The following RAP1GAP2 variants were observed in gnomAD, a reference collection of about 807,000 sequenced individuals.
RAP1GAP2 encodes RAP1 GTPase activating protein 2.
Under a neutral mutation model 95.0 loss-of-function variants are expected in RAP1GAP2, and 27 were observed. The ratio of observed to expected loss-of-function variants is 0.28; its 90% CI spans 0.21 to 0.39. The LOEUF (loss-of-function observed/expected upper bound fraction) is 0.39, where lower values mean the gene tolerates loss of function less well. Ranked by LOEUF, RAP1GAP2 falls within the 10% of genes least tolerant of loss-of-function variation. RAP1GAP2 has a pLI of 1.00. For synonymous variants in RAP1GAP2, 373 were observed against 380.9 expected, an observed-to-expected ratio of 0.98 and a Z score of 0.24; for missense variants, 771 against 970.0, an observed-to-expected ratio of 0.79 and a Z score of 2.72.
At chr17:2,766,237 G>T (rs150674326) in intron 1 of RAP1GAP2, among the ~76,000 whole-genome samples, 1 of 152,146 alleles carries the variant, frequency 6.6e-6, no homozygotes, top group Non-Finnish European at 1.5e-5. Context: ...GTGAGTCCTT[G>T]TTATGAACTG....
intron 2 of RAP1GAP2, among the ~76,000 whole-genome samples, chr17:2,880,426 A>G (rs988928687): frequency 1.3e-5 from 2 of 148,950 alleles, no homozygotes; most frequent in African/African-American, 4.9e-5. Context: ...AGAATAATCC[A>G]CCTCACATTT....
intron 2 of RAP1GAP2, among the ~76,000 whole-genome samples, chr17:2,814,798 C>T (rs1194876003): frequency 1.3e-5 from 2 of 152,174 alleles, no homozygotes; most frequent in Non-Finnish European, 2.9e-5. Flanking sequence ...CCGTGCCTGG[C>T]AGACCACAAA....
chr17:2,758,615 C>T (rs2071191557), intron 1 of RAP1GAP2, among the ~76,000 whole-genome samples: 1 of 152,208 alleles, frequency 6.6e-6, no homozygotes, highest in Non-Finnish European at 1.5e-5. Flanking sequence ...CCGAGATACC[C>T]TCTCAATCCA....
intron 8 of RAP1GAP2, among the ~76,000 whole-genome samples, chr17:2,972,206 A>C (rs1056710085): frequency 6.6e-6 from 1 of 152,250 alleles, no homozygotes; most frequent in African/African-American, 2.4e-5. Flanking sequence ...TATCTCTTCA[A>C]ATGTTTCTAG....
At chr17:2,899,357 C>T (rs1465723312) in intron 2 of RAP1GAP2, among the ~76,000 whole-genome samples, 1 of 152,060 alleles carries the variant, frequency 6.6e-6, no homozygotes, top group East Asian at 1.9e-4. Flanking sequence ...CAGGTGCTCG[C>T]CACCACACCT....
At chr17:2,988,175 A>G (rs1567861181) in intron 11 of RAP1GAP2, among the ~76,000 whole-genome samples, 1 of 151,196 alleles carries the variant, frequency 6.6e-6, no homozygotes, top group Non-Finnish European at 1.5e-5. Flanking sequence ...GTGCCATTGC[A>G]CTCCAGCTGG....
chr17:2,842,113 A>C (rs57586140), intron 2 of RAP1GAP2, among the ~76,000 whole-genome samples: 2,917 of 152,204 alleles, frequency 0.019, 33 homozygotes, highest in Middle Eastern at 0.024. Flanking sequence ...TGTCATTCTC[A>C]TCACTCAGGG....
chr17:2,957,713 T>C (rs768683252), intron 3 of RAP1GAP2, 46 bp from the exon 4 acceptor site: 3 of 1,592,298 alleles, frequency 1.9e-6, no homozygotes, highest in Non-Finnish European at 1.7e-6. Context: ...GCTGTGGACC[T>C]CCCGGCTGAT....
rs919273491 is a variant in RAP1GAP2, at chr17:2,855,604, TTTTA to T, written c.81-49660_81-49657del. On this transcript the variant is annotated intron_variant, in intron 2 of 24. Coordinates refer to ENST00000254695, the MANE Select transcript of RAP1GAP2 (RefSeq NM_015085.5). This position sits in a 1 kb window ranked among gnomAD's most constrained non-coding sequence, Gnocchi z 4.3. ...ATATGAAGTCACAAGAATTAATCTA[TTTTA>T]TTTATTTATTTATTTATTTTTGAGG... Among the ~76,000 whole-genome samples, 1 of 152,124 alleles carries T rather than the reference TTTTA, an allele frequency of 6.6e-6. No individual in the cohort carries two copies. Among genetic ancestry groups the T allele is most frequent in the Non-Finnish European group, 1.5e-5 (1 of 68,006 alleles).
chr17:3,006,252 C>A (rs2046330745), intron 16 of RAP1GAP2, among the ~76,000 whole-genome samples: 1 of 151,364 alleles, frequency 6.6e-6, no homozygotes, highest in Non-Finnish European at 1.5e-5. Flanking sequence ...CCTCAGCCTC[C>A]CTAGTAACTG....
At chr17:2,851,994 T>C (rs1204892312) in intron 2 of RAP1GAP2, among the ~76,000 whole-genome samples, 1 of 152,146 alleles carries the variant, frequency 6.6e-6, no homozygotes, top group Admixed American at 6.6e-5. Context: ...AACGCTAGGA[T>C]AGACCTAAGC....
chr17:2,791,800 G>A (rs2068931423), upstream of RAP1GAP2, among the ~76,000 whole-genome samples: 1 of 151,826 alleles, frequency 6.6e-6, no homozygotes, highest in South Asian at 2.1e-4. Flanking sequence ...AAGCTGGGCT[G>A]TGCTTGATGG....
At chr17:2,874,504 A>G (rs764423019) in intron 2 of RAP1GAP2, among the ~76,000 whole-genome samples, 45 of 152,142 alleles carry the variant, frequency 3.0e-4, no homozygotes, top group Non-Finnish European at 4.7e-4. Flanking sequence ...CATTTCTGGC[A>G]CCCTCATTTC....
intron 1 of RAP1GAP2, among the ~76,000 whole-genome samples, chr17:2,758,529 A>G (rs2071190687): frequency 1.3e-5 from 2 of 152,060 alleles, no homozygotes; most frequent in African/African-American, 4.8e-5. Context: ...ACCCCAGATA[A>G]AAGCTCATCT....
At chr17:2,823,418 A>C (rs1222508879) in intron 2 of RAP1GAP2, among the ~76,000 whole-genome samples, 1 of 152,210 alleles carries the variant, frequency 6.6e-6, no homozygotes, top group Non-Finnish European at 1.5e-5. Context: ...TAAGTGTTTG[A>C]GAAAGAAAAA....
At chr17:2,774,196 T>A (rs545977331), upstream of RAP1GAP2, among the ~76,000 whole-genome samples, 2 of 152,284 alleles carry the variant, frequency 1.3e-5, no homozygotes, top group South Asian at 4.1e-4. Flanking sequence ...TATGGCCCCA[T>A]GTGTTAGGTG....
rs2047220230 is a variant in RAP1GAP2, at chr17:3,029,310, G to A, written c.2108-1612G>A. 6.6e-6 allele frequency among the ~76,000 whole-genome samples: 1 copy of A among 152,154 alleles called. No individual in the cohort carries two copies. Among genetic ancestry groups the A allele is most frequent in the African/African-American group, 2.4e-5 (1 of 41,426 alleles). On this transcript the variant is annotated intron_variant, in intron 22 of 24. Transcript: ENST00000254695. This position sits in a 1 kb window ranked among gnomAD's most constrained non-coding sequence, Gnocchi z 4.4. ...CCTGGAGCGGGTCTGGTGACTTATGGCCGGTGCTTCCCACACCACACGGTG... is the reference window on the plus strand; with the variant it reads ...CCTGGAGCGGGTCTGGTGACTTATGACCGGTGCTTCCCACACCACACGGTG...
At chr17:2,872,876 C>G (rs2072905109) in intron 2 of RAP1GAP2, among the ~76,000 whole-genome samples, 2 of 151,896 alleles carry the variant, frequency 1.3e-5, no homozygotes, top group Admixed American at 1.3e-4. Flanking sequence ...TTGCCCAGGC[C>G]TGGTCTCAAA....
intron 2 of RAP1GAP2, among the ~76,000 whole-genome samples, chr17:2,883,387 C>T (rs987989494): frequency 8.5e-5 from 13 of 152,296 alleles, no homozygotes; most frequent in African/African-American, 2.4e-4. Flanking sequence ...CCAGCCTTTG[C>T]GGTTCCCTTT....
Sources: gnomAD v4.1 joint callset for allele counts (sites outside exome capture counted in the v4.1 genomes callset) on GRCh38, gnomAD v4.1.1 for gene constraint, Gnocchi (gnomAD v3.1) non-coding constraint, MANE v1.5 for transcripts, NCBI Gene and HGNC (gene_info 2026-07-23, HGNC 2026-07-21) for gene names.